Variants in HAVCR1 observed in about 807,000 individuals in gnomAD.
HAVCR1 encodes T cell immunoglobin domain and mucin domain protein 1.
HAVCR1 carries 34 observed loss-of-function variants against 32.0 expected under a neutral mutation model. The ratio of observed to expected loss-of-function variants is 1.06; its 90% CI spans 0.81 to 1.42. The LOEUF is 1.42. Among genes scored for constraint, HAVCR1 ranks in the 40% most tolerant of loss-of-function variants. The probability of loss-of-function intolerance (pLI) is 0.00; values close to 1 mark genes in which losing one functional copy is unlikely to be tolerated. For missense variants in HAVCR1, 420 were observed against 442.3 expected, an observed-to-expected ratio of 0.95 and a Z score of 0.45; for synonymous variants, 178 against 170.3, an observed-to-expected ratio of 1.05 and a Z score of -0.35.
At chr5:157,068,790 AT>A in the HAVCR1 span, among the ~76,000 whole-genome samples, 11 of 151,512 alleles carry the variant, frequency 7.3e-5, no homozygotes, top group Non-Finnish European at 1.6e-4. Flanking sequence ...TTTTTCTATT[AT>A]TTTTCAGGCG....
chr5:157,067,177 C>A, the HAVCR1 span, among the ~76,000 whole-genome samples: 3 of 152,200 alleles, frequency 2.0e-5, no homozygotes, highest in African/African-American at 7.2e-5. Context: ...CAGCTACCTG[C>A]AGGTGCAGGC....
chr5:157,050,212 A>T (rs1172062997), intron 4 of HAVCR1, among the ~76,000 whole-genome samples: 1 of 152,208 alleles, frequency 6.6e-6, no homozygotes, highest in African/African-American at 2.4e-5. Flanking sequence ...CTGTAAGAGG[A>T]TGTGGCTCTC....
At chr5:157,040,821 A>G (rs2113529060) in intron 6 of HAVCR1, among the ~76,000 whole-genome samples, 1 of 152,270 alleles carries the variant, frequency 6.6e-6, no homozygotes, top group East Asian at 1.9e-4. Context: ...AATCACTTGA[A>G]CCCGGAAGGT....
chr5:157,036,204 C>T (rs112152484), intron 7 of HAVCR1, among the ~76,000 whole-genome samples: 2 of 152,122 alleles, frequency 1.3e-5, no homozygotes, highest in Non-Finnish European at 2.9e-5. Flanking sequence ...TTCGGCCGGG[C>T]GTGGTGGCTC....
chr5:157,045,292 C>G (rs1445531440), intron 5 of HAVCR1, among the ~76,000 whole-genome samples: 1 of 151,976 alleles, frequency 6.6e-6, no homozygotes, highest in Non-Finnish European at 1.5e-5. Flanking sequence ...GGGAAAACTA[C>G]TATATATATA....
upstream of HAVCR1, among the ~76,000 whole-genome samples, chr5:157,061,253 G>T (rs1756483827): frequency 6.6e-6 from 1 of 152,070 alleles, no homozygotes; most frequent in Admixed American, 6.5e-5. Flanking sequence ...TTGAGCCCAG[G>T]AGACAGTCTT....
At chr5:157,062,489 A>G (rs1275993603), upstream of HAVCR1, among the ~76,000 whole-genome samples, 3 of 152,192 alleles carry the variant, frequency 2.0e-5, no homozygotes, top group Non-Finnish European at 4.4e-5. Context: ...CCTGCAAAAC[A>G]GTTCAGCTGT....
intron 8 of HAVCR1, among the ~76,000 whole-genome samples, chr5:157,030,639 T>G (rs937255557): frequency 2.0e-5 from 3 of 152,090 alleles, no homozygotes; most frequent in Non-Finnish European, 4.4e-5. Context: ...GGCTGGAGAC[T>G]CTGTCTCAAA....
chr5:157,030,323 T>A (rs1754097827), intron 8 of HAVCR1, among the ~76,000 whole-genome samples: 1 of 152,166 alleles, frequency 6.6e-6, no homozygotes, highest in Non-Finnish European at 1.5e-5. Flanking sequence ...AAACATTGAA[T>A]ATAGTTAAAT....
intron 5 of HAVCR1, among the ~76,000 whole-genome samples, chr5:157,042,965 C>G (rs1755002525): frequency 6.6e-6 from 1 of 152,110 alleles, no homozygotes; most frequent in Non-Finnish European, 1.5e-5. Flanking sequence ...ATTTTATCTA[C>G]TATTTTAGGG....
chr5:157,052,907 C>T (rs1259759663), intron 3 of HAVCR1, among the ~76,000 whole-genome samples: 3 of 152,162 alleles, frequency 2.0e-5, no homozygotes, highest in Admixed American at 1.3e-4. Context: ...ACAGACGCCT[C>T]ATATTTGCAC....
At position 157,059,002 on chromosome 5, in the gene HAVCR1, T is replaced by C. The variant is rs1052241754; in HGVS notation, c.-94A>G. 2.0e-5 allele frequency: 3 copies of C among 152,140 alleles called. No homozygotes were observed. The highest frequency in any genetic ancestry group is 2.1e-4 in the South Asian group (1 of 4,826). The allele number at this position is 152,140 out of a possible 1,614,324, so 9.4% of individuals were successfully genotyped here. A position where few individuals can be genotyped will look rare whatever the true frequency, so the allele number is the denominator to read the frequency against. The stretch of plus-strand genomic sequence containing the variant: ...TCTCTTCAAACCTCTATTTCCTCAG[T>C]TGTAAAATAGCACTAAAAATGCTTC... On this transcript the variant is annotated 5_prime_UTR_variant, in exon 1 of 9. Transcript: ENST00000523175.
At chr5:157,031,436 AGGCT>A (rs1754165543) in intron 8 of HAVCR1, among the ~76,000 whole-genome samples, 2 of 152,346 alleles carry the variant, frequency 1.3e-5, no homozygotes, top group South Asian at 4.1e-4. Flanking sequence ...CAAATGAAGC[AGGCT>A]GGCTGGCTTT....
chr5:157,041,104 T>G (rs923557501), intron 6 of HAVCR1, among the ~76,000 whole-genome samples: 6 of 152,178 alleles, frequency 3.9e-5, no homozygotes, highest in Non-Finnish European at 7.4e-5. Flanking sequence ...ATGAGCATCA[T>G]AAGACTAAGT....
Position 157,029,562 on chromosome 5 carries a change from A to G in HAVCR1, c.*171T>C, listed in dbSNP as rs1754040360. 1 of 1,513,354 alleles carries G rather than the reference A, an allele frequency of 6.6e-7. No individual in the cohort carries two copies. Among genetic ancestry groups the G allele is most frequent in the Non-Finnish European group, 8.9e-7 (1 of 1,125,022 alleles). 93.7% of individuals were successfully genotyped at this position (1,513,354 alleles called of 1,614,324 possible). On this transcript the variant is annotated 3_prime_UTR_variant, in exon 9 of 9. Coordinates refer to ENST00000523175, the MANE Select transcript of HAVCR1 (RefSeq NM_001173393.3). ...CTACATTAATGATGAGGTTGACTAT[A>G]CACAGTTTGGAGTGAGAGAGTTACT...
At chr5:157,049,251 TG>T (rs1755602973) in intron 4 of HAVCR1, 106 bp from the exon 5 acceptor site, 5 of 775,610 alleles carry the variant, frequency 6.4e-6, no homozygotes, top group Non-Finnish European at 1.1e-5. Context: ...CACCTTTCCA[TG>T]GGCCCTTCTC....
In HAVCR1 at chr5:157,052,312, G is replaced by A. The variant is rs1553318; in HGVS notation, c.673+49C>T. Reference sequence around the variant, plus strand: ...CTTGATACAATGCCCTGGATGGTCCGCAGCTCCTCATTAGAAGGCCTTTGG... The same window carrying A: ...CTTGATACAATGCCCTGGATGGTCCACAGCTCCTCATTAGAAGGCCTTTGG... On this transcript the variant is annotated intron_variant, in intron 4 of 8. Transcript: ENST00000523175. 9.3e-3 allele frequency: 14,293 copies of A among 1,544,842 alleles called. 92 individuals are homozygous for A. The highest frequency in any genetic ancestry group is 0.012 in the Non-Finnish European group (12,885 of 1,119,872).
At chr5:157,030,625 C>T (rs1754118127) in intron 8 of HAVCR1, among the ~76,000 whole-genome samples, 1 of 152,100 alleles carries the variant, frequency 6.6e-6, no homozygotes, top group Non-Finnish European at 1.5e-5. Flanking sequence ...TGCACTCCAG[C>T]CTGGGCTGGA....
chr5:157,040,434 G>T (rs1016393824), intron 6 of HAVCR1, among the ~76,000 whole-genome samples: 7 of 152,244 alleles, frequency 4.6e-5, no homozygotes, highest in African/African-American at 1.7e-4. Context: ...CAGTATGTCA[G>T]ATCAATCAGT....
Sources: allele counts gnomAD v4.1 joint callset (sites outside exome capture counted in the v4.1 genomes callset), GRCh38; gene constraint gnomAD v4.1.1; transcripts MANE v1.5; gene names NCBI Gene and HGNC (gene_info 2026-07-23, HGNC 2026-07-21).